HHAT: variants seen among roughly 807,000 people sequenced by gnomAD.
The protein encoded by HHAT is hedgehog acyltransferase.
A neutral mutation model predicts 70.8 loss-of-function variants in HHAT; 47 were observed. The observed-to-expected ratio is 0.66, with a 90% CI of 0.53 to 0.85. HHAT has a LOEUF of 0.85. Among genes scored for constraint, HHAT ranks in the 40% least tolerant of loss-of-function variants. HHAT has a pLI of 0.00. For missense variants in HHAT, 609 were observed against 604.8 expected (o/e 1.01, Z -0.07); for synonymous variants, 228 against 247.6 (o/e 0.92, Z 0.74).
At chr1:210,548,136 A>G (rs1198907564) in intron 9 of HHAT, among the ~76,000 whole-genome samples, 1 of 152,128 alleles carries the variant, frequency 6.6e-6, no homozygotes, top group Non-Finnish European at 1.5e-5. Context: ...CTTATGGAAC[A>G]TTTCTGTTCT....
chr1:210,357,648 C>T (rs532448704), intron 2 of HHAT, among the ~76,000 whole-genome samples: 43 of 152,106 alleles, frequency 2.8e-4, no homozygotes, highest in African/African-American at 9.9e-4. Flanking sequence ...GGTGAAACCC[C>T]GTCTCTACTA....
intron 1 of HHAT, among the ~76,000 whole-genome samples, chr1:210,340,242 G>GGAAAAAA (rs1553313987): frequency 3.0e-5 from 3 of 99,784 alleles, no homozygotes; most frequent in African/African-American, 1.0e-4. Context: ...CTCTGTCTCA[G>GGAAAAAA]AAAAAAAAAA....
At chr1:210,457,224 G>C (rs969143060) in intron 7 of HHAT, among the ~76,000 whole-genome samples, 20 of 152,090 alleles carry the variant, frequency 1.3e-4, no homozygotes, top group Admixed American at 2.0e-4. Context: ...TCCACCTTAT[G>C]TTGAGGTTCC....
At position 210,362,900 on chromosome 1, in the gene HHAT, T is replaced by C; in HGVS notation, c.140T>C (p.Leu47Ser). ...DQEFELETDT[L>S]FGGLKKDATD... ...GAATTTGAGCTGGAGACTGACACTT[T>C]ATTTGGAGGATTAAAGAAGGTACAA... The change falls in exon 3 of 12, where the codon TTA becomes TCA. Residue 47 changes from leucine (L) to serine (S), a missense_variant. Coordinates refer to ENST00000261458, the MANE Select transcript of HHAT (RefSeq NM_018194.6). The C allele has an allele frequency of 6.2e-7, 1 of 1,613,148 alleles. No homozygotes were observed. The highest frequency in any genetic ancestry group is 8.5e-7 in the Non-Finnish European group (1 of 1,179,130).
At chr1:210,512,815 G>A (rs1323331673) in intron 8 of HHAT, among the ~76,000 whole-genome samples, 1 of 152,032 alleles carries the variant, frequency 6.6e-6, no homozygotes, top group Non-Finnish European at 1.5e-5. Context: ...TCCTCTCATG[G>A]CCTATATTTC....
intron 9 of HHAT, among the ~76,000 whole-genome samples, chr1:210,568,426 TG>T (rs1655299789): frequency 6.6e-6 from 1 of 152,210 alleles, no homozygotes; most frequent in Admixed American, 6.5e-5. Flanking sequence ...GGGAGGGTCG[TG>T]GGAGCCTCAA....
rs12060989 is a variant in HHAT at position 210,579,742 on chromosome 1, C to T, written c.1044-8156C>T. Among the ~76,000 whole-genome samples, 826 of 152,312 alleles carry T rather than the reference C, an allele frequency of 5.4e-3. 2 individuals carry two copies. The highest frequency in any genetic ancestry group is 0.018 in the African/African-American group (764 of 41,568). On this transcript the variant is annotated intron_variant, in intron 9 of 11. Coordinates refer to ENST00000261458, the MANE Select transcript of HHAT (RefSeq NM_018194.6). Reference sequence around the variant, plus strand: ...CTGCGCTCTTTCTTGTCCCATACTTCGCCACTGTTGCTGCTTGGGCTGTTT... The same window carrying T: ...CTGCGCTCTTTCTTGTCCCATACTTTGCCACTGTTGCTGCTTGGGCTGTTT...
chr1:210,568,939 C>T (rs1655436952), intron 9 of HHAT, among the ~76,000 whole-genome samples: 1 of 152,072 alleles, frequency 6.6e-6, no homozygotes, highest in Non-Finnish European at 1.5e-5. Context: ...GACAAGTCCC[C>T]AACCTGTGTG....
intron 11 of HHAT, among the ~76,000 whole-genome samples, chr1:210,654,269 T>C (rs961989380): frequency 1.1e-5 from 1 of 89,522 alleles, no homozygotes; most frequent in African/African-American, 4.2e-5. Flanking sequence ...TGGCGACCAA[T>C]AGAATCAAGG....
At chr1:210,383,596 T>C (rs950721163) in intron 3 of HHAT, among the ~76,000 whole-genome samples, 3 of 152,160 alleles carry the variant, frequency 2.0e-5, no homozygotes, top group Non-Finnish European at 2.9e-5. Context: ...ACCCATAGAA[T>C]ATGCAACATC....
At chr1:210,657,329 C>T (rs1676658440) in intron 11 of HHAT, among the ~76,000 whole-genome samples, 1 of 152,204 alleles carries the variant, frequency 6.6e-6, no homozygotes, top group Non-Finnish European at 1.5e-5. Flanking sequence ...ACTCTTGCTC[C>T]ACAATACCTC....
intron 11 of HHAT, among the ~76,000 whole-genome samples, chr1:210,666,889 G>C (rs756953853): frequency 6.6e-6 from 1 of 151,858 alleles, no homozygotes; most frequent in Non-Finnish European, 1.5e-5. Flanking sequence ...TCAGGAGACC[G>C]AGACCATGGT....
At chr1:210,351,062 G>A (rs1191535972) in intron 2 of HHAT, among the ~76,000 whole-genome samples, 1 of 152,166 alleles carries the variant, frequency 6.6e-6, no homozygotes, top group Non-Finnish European at 1.5e-5. Flanking sequence ...CAATTATAGA[G>A]GCTGAGAAGT....
Position 210,328,990 on chromosome 1 carries a change from G to T in HHAT, c.-158G>T. 7.3e-7 allele frequency: 1 copy of T among 1,363,870 alleles called. No individual in the cohort carries two copies. The highest frequency in any genetic ancestry group is 9.5e-7 in the Non-Finnish European group (1 of 1,056,524). 84.5% of individuals were successfully genotyped at this position (1,363,870 alleles called of 1,614,324 possible). Reference sequence around the variant, plus strand: ...CGGGGGAAAGAGGGTGGCGTCCCGGGGAAGCCCGCAGCCGCCGCCGATGTC... The same window carrying T: ...CGGGGGAAAGAGGGTGGCGTCCCGGTGAAGCCCGCAGCCGCCGCCGATGTC... On this transcript the variant is annotated 5_prime_UTR_variant, in exon 1 of 12. Coordinates refer to ENST00000261458, the MANE Select transcript of HHAT (RefSeq NM_018194.6).
rs1243338302 is a variant in HHAT, at chr1:210,602,456, G to A, written c.1245+14357G>A. Among the ~76,000 whole-genome samples, 7 of 152,266 alleles carry A rather than the reference G, an allele frequency of 4.6e-5. No homozygotes were observed. The East Asian group carries it at 1.4e-3, about 29-fold the overall frequency. On this transcript the variant is annotated intron_variant, in intron 10 of 11. Transcript: ENST00000261458. ...AGGGTCAGGAGGGAGAAGAAGACTA[G>A]CATTGCAGGCTGGGAGAACAGTGCG...
intron 9 of HHAT, among the ~76,000 whole-genome samples, chr1:210,535,583 C>T: frequency 6.6e-6 from 1 of 151,976 alleles, no homozygotes; most frequent in Non-Finnish European, 1.5e-5. Flanking sequence ...GTGCAAACAG[C>T]TCTGTTCACA....
intron 9 of HHAT, among the ~76,000 whole-genome samples, chr1:210,557,121 A>G (rs2095580072): frequency 1.3e-5 from 2 of 152,202 alleles, no homozygotes; most frequent in Admixed American, 1.3e-4. Flanking sequence ...CAGGTGAGAA[A>G]GAGACCCTAG....
At chr1:210,577,559 C>G (rs185235504) in intron 9 of HHAT, among the ~76,000 whole-genome samples, 1 of 150,622 alleles carries the variant, frequency 6.6e-6, no homozygotes, top group Non-Finnish European at 1.5e-5. Flanking sequence ...ATTCTTTCAA[C>G]GTACTGTTGA....
intron 1 of HHAT, among the ~76,000 whole-genome samples, chr1:210,331,276 A>C (rs1369378728): frequency 1.3e-5 from 2 of 151,976 alleles, no homozygotes; most frequent in Non-Finnish European, 1.5e-5. Flanking sequence ...AGACATTGAC[A>C]CCCAAAGTGT....
Sources: gnomAD v4.1 joint callset for allele counts (sites outside exome capture counted in the v4.1 genomes callset) on GRCh38, gnomAD v4.1.1 for gene constraint, MANE v1.5 for transcripts, NCBI Gene and HGNC (gene_info 2026-07-23, HGNC 2026-07-21) for gene names.